Variants in CHLSN observed in about 807,000 individuals in gnomAD.
CHLSN encodes cholesin.
the CHLSN span, among the ~76,000 whole-genome samples, chr7:1,042,891 G>A: frequency 3.0e-4 from 46 of 152,274 alleles, no homozygotes; most frequent in Non-Finnish European, 6.5e-4. Flanking sequence ...ATACCCCTGG[G>A]TTCAAATCCT....
At chr7:1,058,411 T>G in the CHLSN span, 2 of 780,746 alleles carry the variant, frequency 2.6e-6, no homozygotes, top group Non-Finnish European at 4.8e-6. Flanking sequence ...TACCGCTACA[T>G]GAACCAGAGC....
At chr7:1,094,455 T>C in the CHLSN span, among the ~76,000 whole-genome samples, 3 of 152,228 alleles carry the variant, frequency 2.0e-5, no homozygotes, top group Non-Finnish European at 4.4e-5. Context: ...TGTGATAACA[T>C]AAAGTTTGAT....
At chr7:1,009,061 G>A in the CHLSN span, among the ~76,000 whole-genome samples, 12 of 120,444 alleles carry the variant, frequency 1.0e-4, no homozygotes, top group Middle Eastern at 3.8e-3. Flanking sequence ...ACACGTGCAC[G>A]TGCACGCAGC....
the CHLSN span, among the ~76,000 whole-genome samples, chr7:979,357 A>T: frequency 6.6e-6 from 1 of 152,106 alleles, no homozygotes. Context: ...TCGGTGCAAG[A>T]GTCCATCTCG....
chr7:1,112,003 C>A, the CHLSN span, among the ~76,000 whole-genome samples: 1 of 152,188 alleles, frequency 6.6e-6, no homozygotes, highest in Non-Finnish European at 1.5e-5. Context: ...TTTCTAATTT[C>A]TTTTACATTA....
At chr7:997,561 C>T in the CHLSN span, 1 of 1,367,066 alleles carries the variant, frequency 7.3e-7, no homozygotes, top group Non-Finnish European at 9.6e-7. Flanking sequence ...GCCGGAGGAG[C>T]TGCACCCTGT....
chr7:1,092,283 C>T, the CHLSN span: 34 of 1,611,726 alleles, frequency 2.1e-5, no homozygotes, highest in Middle Eastern at 1.6e-4. Flanking sequence ...GGATGGCATC[C>T]GTGTCAGCCA....
the CHLSN span, chr7:1,092,310 C>T: frequency 1.9e-4 from 305 of 1,611,568 alleles, 6 homozygotes; most frequent in East Asian, 6.2e-4. Context: ...TGCCCTTCAC[C>T]GCCGTGCACC....
At chr7:1,127,586 T>C in the CHLSN span, among the ~76,000 whole-genome samples, 1 of 151,970 alleles carries the variant, frequency 6.6e-6, no homozygotes, top group Admixed American at 6.5e-5. Context: ...TTTGGTATAT[T>C]TCCTTTCTGT....
the CHLSN span, chr7:1,022,963 T>C: frequency 0.01 from 4,907 of 472,066 alleles, 64 homozygotes; most frequent in Middle Eastern, 0.028. Context: ...GCCGGCTCTG[T>C]CGTCGAGGCG....
chr7:1,136,325 TATATAAATATATAAAC>T, the CHLSN span, among the ~76,000 whole-genome samples: 1 of 105,242 alleles, frequency 9.5e-6, no homozygotes, highest in Non-Finnish European at 1.7e-5. Flanking sequence ...TAAACATAAA[TATATAAATATATAAAC>T]ATATAAATAT....
At chr7:1,091,418 G>C in the CHLSN span, 1 of 311,862 alleles carries the variant, frequency 3.2e-6, no homozygotes. Context: ...TACCCAGAGA[G>C]TGAGCAGCTC....
At chr7:1,093,886 TCCCTCCCCCCTCACAGAAAACACAG>T in the CHLSN span, 2 of 328,914 alleles carry the variant, frequency 6.1e-6, no homozygotes, top group Non-Finnish European at 1.2e-5. Flanking sequence ...CTCGGGAGAA[TCCCTCCCCCCTCACAGAAAACACAG>T]CCCTCCCCTG....
chr7:1,048,590 G>A, the CHLSN span, among the ~76,000 whole-genome samples: 8 of 152,138 alleles, frequency 5.3e-5, no homozygotes, highest in Admixed American at 4.6e-4. Flanking sequence ...AGTTAGCCCC[G>A]GGTTTCAGCC....
the CHLSN span, chr7:1,093,617 C>A: frequency 2.1e-6 from 1 of 471,072 alleles, no homozygotes; most frequent in East Asian, 6.9e-5. Flanking sequence ...TGGGACCGTG[C>A]GAGCTGCCGT....
the CHLSN span, among the ~76,000 whole-genome samples, chr7:978,221 A>T: frequency 6.6e-6 from 1 of 152,178 alleles, no homozygotes; most frequent in African/African-American, 2.4e-5. Context: ...TCACCGGTGT[A>T]AAAAGTGGGG....
the CHLSN span, among the ~76,000 whole-genome samples, chr7:1,029,820 T>C: frequency 6.6e-6 from 1 of 152,204 alleles, no homozygotes; most frequent in Non-Finnish European, 1.5e-5. Context: ...CTGGCTGTTT[T>C]CCTCCTAGCT....
At chr7:1,034,032 G>A in the CHLSN span, among the ~76,000 whole-genome samples, 3 of 152,228 alleles carry the variant, frequency 2.0e-5, no homozygotes, top group Non-Finnish European at 4.4e-5. Flanking sequence ...CGGCATGACC[G>A]TTGATGCAGG....
chr7:1,081,332 AC>A, the CHLSN span, among the ~76,000 whole-genome samples: 1 of 151,826 alleles, frequency 6.6e-6, no homozygotes, highest in African/African-American at 2.4e-5. Flanking sequence ...CTCTCCTAAG[AC>A]CCCCAAGTCA....
Sources: allele counts gnomAD v4.1 joint callset (sites outside exome capture counted in the v4.1 genomes callset), GRCh38; gene constraint gnomAD v4.1.1; transcripts MANE v1.5; gene names NCBI Gene and HGNC (gene_info 2026-07-23, HGNC 2026-07-21).